The following ACSM3 variants were observed in gnomAD, a reference collection of about 807,000 sequenced individuals.
ACSM3 encodes the protein acyl-coenzyme A synthetase ACSM3, mitochondrial.
A neutral mutation model predicts 74.1 loss-of-function variants in ACSM3; 61 were observed. That is an observed-to-expected ratio of 0.82 (90% CI 0.67 to 1.02). The LOEUF (loss-of-function observed/expected upper bound fraction) is 1.02. ACSM3 is among the 50% of genes least tolerant of loss of function. The probability of loss-of-function intolerance (pLI) is 0.00; values close to 1 mark genes in which losing one functional copy is unlikely to be tolerated. For synonymous variants in ACSM3, 213 were observed against 241.5 expected (o/e 0.88, Z 1.09); for missense variants, 660 against 697.0 (o/e 0.95, Z 0.60).
chr16:20,769,897 CA>C, intron 1 of ACSM3, 86 bp from the exon 2 acceptor site: 1 of 706,074 alleles, frequency 1.4e-6, no homozygotes, highest in East Asian at 2.6e-5. Flanking sequence ...TGATGATTAT[CA>C]ATACTAATAA....
intron 2 of ACSM3, among the ~76,000 whole-genome samples, chr16:20,754,505 A>T (rs1424680728): frequency 6.6e-6 from 1 of 152,198 alleles, no homozygotes; most frequent in Non-Finnish European, 1.5e-5. Context: ...AGAACAGTGC[A>T]AATAAGGCAA....
chr16:20,786,079 T>G lies in ACSM3; in HGVS notation c.1145T>G (p.Val382Gly). 1 of 1,583,280 alleles carries G rather than the reference T, an allele frequency of 6.3e-7. No individual in the cohort carries two copies. The highest frequency in any genetic ancestry group is 1.2e-5 in the South Asian group (1 of 86,822). ...TTACTTTTTCTTCTTCTTAACTAGG[T>G]GCTAATCTGTGGAAATTTTAAGGGA... ...IYEGYGQTETVLICGNFKGMK... is the reference protein window; with the variant it reads ...IYEGYGQTETGLICGNFKGMK... Residue 382 changes from valine (V) to glycine (G), a missense_variant and splice_region_variant, in exon 9 of 14, where the codon GTG becomes GGG. Transcript: ENST00000289416.
chr16:20,787,178 T>C (rs2080492720), intron 9 of ACSM3, among the ~76,000 whole-genome samples: 1 of 152,212 alleles, frequency 6.6e-6, no homozygotes, highest in African/African-American at 2.4e-5. Context: ...TATGATAGGG[T>C]TATGTCCCAA....
chr16:20,796,021 A>G (rs541261974), intron 12 of ACSM3: 52 of 174,040 alleles, frequency 3.0e-4, no homozygotes, highest in African/African-American at 1.2e-3. Flanking sequence ...CAACAAAAAA[A>G]TAGCTGCTGG....
At chr16:20,716,998 T>C (rs1567322874) in intron 1 of ACSM3, among the ~76,000 whole-genome samples, 1 of 152,204 alleles carries the variant, frequency 6.6e-6, no homozygotes, top group Non-Finnish European at 1.5e-5. Context: ...ACAAGTTTAT[T>C]ATCTGACAAA....
At chr16:20,742,074 T>TA in intron 1 of ACSM3, 1 of 1,329,632 alleles carries the variant, frequency 7.5e-7, no homozygotes. Flanking sequence ...CCAACCTTGG[T>TA]ACCTGTTCCT....
intron 12 of ACSM3, chr16:20,795,943 G>A (rs1027617962): frequency 6.5e-6 from 1 of 154,462 alleles, no homozygotes; most frequent in Non-Finnish European, 1.4e-5. Flanking sequence ...ATCTTTCTTG[G>A]CTTCTGCCAG....
At chr16:20,724,163 T>C (rs1270474408) in intron 1 of ACSM3, among the ~76,000 whole-genome samples, 1 of 152,192 alleles carries the variant, frequency 6.6e-6, no homozygotes, top group Non-Finnish European at 1.5e-5. Context: ...CTTGTTTTTG[T>C]CAGGTTTGTC....
upstream of ACSM3, among the ~76,000 whole-genome samples, chr16:20,760,421 A>G (rs752273316): frequency 3.9e-5 from 6 of 152,190 alleles, no homozygotes; most frequent in Non-Finnish European, 7.4e-5. Flanking sequence ...AGGCTTTCCT[A>G]CTTTTAAACA....
intron 1 of ACSM3, chr16:20,738,723 T>C (rs2079891936): frequency 1.4e-6 from 1 of 692,588 alleles, no homozygotes; most frequent in Admixed American, 2.7e-5. Flanking sequence ...CAATGCTACG[T>C]CCACCACCCC....
chr16:20,740,509 T>C (rs2079907843), intron 1 of ACSM3, among the ~76,000 whole-genome samples: 1 of 152,248 alleles, frequency 6.6e-6, no homozygotes, highest in Admixed American at 6.5e-5. Context: ...ATAATAATTG[T>C]ATACATTTAC....
intron 1 of ACSM3, among the ~76,000 whole-genome samples, chr16:20,683,847 C>A (rs1398273704): frequency 2.6e-5 from 4 of 152,040 alleles, no homozygotes; most frequent in Non-Finnish European, 5.9e-5. Flanking sequence ...GTATTATAGG[C>A]CTAAGCCACC....
intron 1 of ACSM3, among the ~76,000 whole-genome samples, chr16:20,714,365 T>C (rs1309014037): frequency 6.6e-6 from 1 of 152,056 alleles, no homozygotes; most frequent in African/African-American, 2.4e-5. Flanking sequence ...AAATTGCCCC[T>C]GTAAACAAGG....
intron 3 of ACSM3, among the ~76,000 whole-genome samples, chr16:20,756,485 G>GT (rs942251740): frequency 6.6e-6 from 1 of 151,976 alleles, no homozygotes; most frequent in Non-Finnish European, 1.5e-5. Context: ...GGGGTTGTTT[G>GT]TTTTTTTCTT....
At chr16:20,740,694 T>C (rs1364753114) in intron 1 of ACSM3, among the ~76,000 whole-genome samples, 1 of 152,208 alleles carries the variant, frequency 6.6e-6, no homozygotes, top group East Asian at 1.9e-4. Context: ...ATTACCCTTC[T>C]TCATTTAATC....
chr16:20,770,707 C>T (rs992542946), intron 2 of ACSM3, among the ~76,000 whole-genome samples: 2 of 152,060 alleles, frequency 1.3e-5, no homozygotes, highest in Non-Finnish European at 2.9e-5. Context: ...ACATGGCTTC[C>T]AACGTCTAGA....
chr16:20,723,389 G>T (rs1377569202), intron 1 of ACSM3, among the ~76,000 whole-genome samples: 1 of 152,144 alleles, frequency 6.6e-6, no homozygotes, highest in South Asian at 2.1e-4. Flanking sequence ...AATCCTTTGG[G>T]TATATACCCA....
intron 1 of ACSM3, among the ~76,000 whole-genome samples, chr16:20,711,041 A>G (rs74718293): frequency 6.6e-6 from 1 of 151,964 alleles, no homozygotes. Context: ...AGCCAAGATC[A>G]TGCCACTGCA....
chr16:20,718,249 T>G (rs2152388484), intron 1 of ACSM3: 3 of 272,446 alleles, frequency 1.1e-5, no homozygotes, highest in Middle Eastern at 2.5e-3. Context: ...CTGTTAACTA[T>G]CTTCTGGTAA....
Sources: gnomAD v4.1 joint callset for allele counts (sites outside exome capture counted in the v4.1 genomes callset) on GRCh38, gnomAD v4.1.1 for gene constraint, MANE v1.5 for transcripts, NCBI Gene and HGNC (gene_info 2026-07-23, HGNC 2026-07-21) for gene names.